FGFR2: variants seen among roughly 807,000 people sequenced by gnomAD.
FGFR2 encodes the protein fibroblast growth factor receptor 2.
Under a neutral mutation model 95.9 loss-of-function variants are expected in FGFR2, and 19 were observed. The observed-to-expected ratio is 0.20, with a 90% CI of 0.14 to 0.29. The LOEUF (loss-of-function observed/expected upper bound fraction) is 0.29, where lower values mean the gene tolerates loss of function less well. FGFR2 is among the 10% of genes least tolerant of loss of function. The pLI is 1.00. For synonymous variants in FGFR2, 392 were observed against 393.3 expected (o/e 1.00, Z 0.04); for missense variants, 707 against 1,056.9 (o/e 0.67, Z 4.59).
chr10:121,507,770 T>C (rs1848514884), intron 9 of FGFR2, among the ~76,000 whole-genome samples: 1 of 152,176 alleles, frequency 6.6e-6, no homozygotes, highest in African/African-American at 2.4e-5. Context: ...GCTGCCCAGA[T>C]CTGAGAGAAC....
Position 121,585,774 on chromosome 10 carries a change from A to C in FGFR2, c.109+7935T>G, listed in dbSNP as rs41302257. 7.4e-3 allele frequency among the ~76,000 whole-genome samples: 1,125 copies of C among 152,354 alleles called. 13 individuals carry two copies. Among genetic ancestry groups the C allele is most frequent in the African/African-American group, 0.021 (882 of 41,578 alleles). On this transcript the variant is annotated intron_variant, in intron 2 of 17. Transcript: ENST00000358487. ...AGATTCTTGTTCTTTTAAAAATTTG[A>C]GTGGTTTTAAATTTGAAACATTTAT...
Position 121,579,446 on chromosome 10 carries a change from T to C in FGFR2, c.110-13742A>G, listed in dbSNP as rs139539554. 2.1e-3 allele frequency among the ~76,000 whole-genome samples: 314 copies of C among 152,278 alleles called. 1 individual carries two copies. The highest frequency in any genetic ancestry group is 8.3e-3 in the South Asian group (40 of 4,826). ...ACAGGTTTTCTTTCAAGTGAACAAATAGGTCTCATCACATATAAGTTACCT... is the reference window on the plus strand; with the variant it reads ...ACAGGTTTTCTTTCAAGTGAACAAACAGGTCTCATCACATATAAGTTACCT... On this transcript the variant is annotated intron_variant, in intron 2 of 17. Coordinates refer to ENST00000358487, the MANE Select transcript of FGFR2 (RefSeq NM_000141.5).
intron 5 of FGFR2, among the ~76,000 whole-genome samples, chr10:121,546,645 C>T (rs1029581707): frequency 6.6e-6 from 1 of 152,004 alleles, no homozygotes; most frequent in Non-Finnish European, 1.5e-5. Context: ...CTTTGTTTTG[C>T]TTTTTTTGTC....
chr10:121,509,198 A>C (rs533878657), intron 9 of FGFR2, among the ~76,000 whole-genome samples: 2 of 152,176 alleles, frequency 1.3e-5, no homozygotes, highest in African/African-American at 4.8e-5. Flanking sequence ...CTTGTTAGTG[A>C]TAAGTGAGTT....
intron 10 of FGFR2, among the ~76,000 whole-genome samples, chr10:121,503,216 G>A (rs1286866844): frequency 6.6e-6 from 1 of 152,204 alleles, no homozygotes; most frequent in African/African-American, 2.4e-5. Context: ...CCACCCAGGT[G>A]GCCATATTTT....
chr10:121,570,664 G>A (rs541873611), intron 2 of FGFR2, among the ~76,000 whole-genome samples: 11 of 152,332 alleles, frequency 7.2e-5, no homozygotes, highest in Non-Finnish European at 1.6e-4. Context: ...TCCAGAAGCC[G>A]CCTTGCTATG....
intron 6 of FGFR2, among the ~76,000 whole-genome samples, chr10:121,524,508 C>CGGA (rs1431549404): frequency 6.6e-6 from 1 of 152,178 alleles, no homozygotes; most frequent in Non-Finnish European, 1.5e-5. Flanking sequence ...TTAAACAAGT[C>CGGA]GGAGGAGGAG....
intron 6 of FGFR2, among the ~76,000 whole-genome samples, chr10:121,524,100 A>G (rs370631655): frequency 0.016 from 1,334 of 82,300 alleles, 26 homozygotes; most frequent in Admixed American, 0.078. Flanking sequence ...CCGGCTATGT[A>G]TACACACACA....
chr10:121,585,834 T>C (rs930775322), intron 2 of FGFR2, among the ~76,000 whole-genome samples: 5 of 152,198 alleles, frequency 3.3e-5, no homozygotes, highest in Non-Finnish European at 4.4e-5. Context: ...TGTGCGTCTA[T>C]TGCAGCCAGG....
intron 5 of FGFR2, among the ~76,000 whole-genome samples, chr10:121,545,489 T>A (rs1360384929): frequency 6.6e-6 from 1 of 152,104 alleles, no homozygotes; most frequent in East Asian, 1.9e-4. Flanking sequence ...AGCAACTTGC[T>A]CCATGGGAGG....
At chr10:121,503,663 C>T (rs1472150231) in intron 10 of FGFR2, 127 bp downstream of exon 10, 6 of 1,025,612 alleles carry the variant, frequency 5.9e-6, no homozygotes, top group Admixed American at 5.7e-5. Context: ...GAAATACAAT[C>T]TTACTCCTGC....
At chr10:121,587,367 G>T (rs1861988639) in intron 2 of FGFR2, among the ~76,000 whole-genome samples, 1 of 152,160 alleles carries the variant, frequency 6.6e-6, no homozygotes, top group Admixed American at 6.5e-5. Context: ...TCATGACAAA[G>T]ACATCAAAAG....
At chr10:121,554,387 G>A (rs966309375) in intron 4 of FGFR2, among the ~76,000 whole-genome samples, 6 of 150,484 alleles carry the variant, frequency 4.0e-5, no homozygotes, top group African/African-American at 1.5e-4. Flanking sequence ...TGCCCAGGCT[G>A]GAGTGCAGTG....
chr10:121,511,745 A>C (rs1311481119), intron 9 of FGFR2, among the ~76,000 whole-genome samples: 2 of 152,184 alleles, frequency 1.3e-5, no homozygotes, highest in Non-Finnish European at 2.9e-5. Flanking sequence ...GCCTCCCACC[A>C]CCCAAAAGTT....
chr10:121,551,856 C>G (rs1202685217), intron 4 of FGFR2, among the ~76,000 whole-genome samples: 1 of 152,088 alleles, frequency 6.6e-6, no homozygotes, highest in African/African-American at 2.4e-5. Context: ...ATTAAATGAT[C>G]ACATATACAC....
At chr10:121,499,246 G>A (rs1199395322) in intron 11 of FGFR2, among the ~76,000 whole-genome samples, 2 of 152,086 alleles carry the variant, frequency 1.3e-5, no homozygotes, top group African/African-American at 4.8e-5. Context: ...ACGCGGGCTC[G>A]CAGTTAGCTT....
rs1014850980 is a variant in FGFR2 at position 121,598,253 on chromosome 10, C to G, written c.-442G>C. 7.6e-6 allele frequency: 3 copies of G among 394,102 alleles called. No homozygotes were observed. The highest frequency in any genetic ancestry group is 1.3e-5 in the Non-Finnish European group (3 of 223,210). The allele number at this position is 394,102 out of a possible 1,614,324, so 24.4% of individuals were successfully genotyped here. ...GCTCGCGAGTTGCGAAGGCTCAGAGCGCGCAGGCAAGCTGCGGCCTCGGGG... is the reference window on the plus strand; with the variant it reads ...GCTCGCGAGTTGCGAAGGCTCAGAGGGCGCAGGCAAGCTGCGGCCTCGGGG... On this transcript the variant is annotated 5_prime_UTR_variant, in exon 1 of 18. Coordinates refer to ENST00000358487, the MANE Select transcript of FGFR2 (RefSeq NM_000141.5).
At chr10:121,568,458 G>C (rs1447518009) in intron 2 of FGFR2, among the ~76,000 whole-genome samples, 1 of 152,108 alleles carries the variant, frequency 6.6e-6, no homozygotes, top group Admixed American at 6.6e-5. Context: ...CTCTTAGCCA[G>C]AATTGATCAC....
At chr10:121,538,216 C>G (rs1008231569) in intron 6 of FGFR2, 2 of 631,248 alleles carry the variant, frequency 3.2e-6, no homozygotes, top group African/African-American at 3.7e-5. Context: ...TACAGTTGCC[C>G]TGTTGGGGAA....
Sources: gnomAD v4.1 joint callset for allele counts (sites outside exome capture counted in the v4.1 genomes callset) on GRCh38, gnomAD v4.1.1 for gene constraint, MANE v1.5 for transcripts, NCBI Gene and HGNC (gene_info 2026-07-23, HGNC 2026-07-21) for gene names.